FAM25C: variants seen among roughly 807,000 people sequenced by gnomAD.
FAM25C encodes the protein family with sequence similarity 25 member C, also known as protein FAM25C.
In FAM25C, 4 loss-of-function variants were observed where a neutral mutation model predicts 9.6. The observed-to-expected ratio is 0.42, with a 90% CI of 0.20 to 0.95. FAM25C has a LOEUF of 0.95. FAM25C is among the 40% of genes least tolerant of loss of function. The pLI is 0.31. For missense variants in FAM25C, 38 were observed against 110.4 expected (o/e 0.34, Z 2.94); for synonymous variants, 23 against 44.1 (o/e 0.52, Z 1.89).
At chr10:47,997,529 G>T (rs1842819671) in intron 2 of FAM25C, 148 bp downstream of exon 2, 2 of 795,888 alleles carry the variant, frequency 2.5e-6, no homozygotes, top group East Asian at 5.3e-5. Flanking sequence ...CCTCTGATGA[G>T]CATAGATAAC....
chr10:47,998,051 G>A (rs548191838), intron 1 of FAM25C, among the ~76,000 whole-genome samples: 23 of 151,260 alleles, frequency 1.5e-4, no homozygotes, highest in South Asian at 6.3e-4. Context: ...ACCGGGAGAC[G>A]AGCTCAGTGA....
chr10:47,997,403 C>A (rs568857314), intron 2 of FAM25C, among the ~76,000 whole-genome samples: 1 of 152,028 alleles, frequency 6.6e-6, no homozygotes, highest in South Asian at 2.1e-4. Flanking sequence ...GCCACCGTGC[C>A]CTGCCATGTT....
Position 47,995,449 on chromosome 10 carries a change from C to T in FAM25C, c.199G>A (p.Glu67Lys), listed in dbSNP as rs1164230571. Residue 67 changes from glutamate (E) to lysine (K), a missense_variant, in exon 3 of 3, where the codon GAG becomes AAG. This residue lies in a region of FAM25C where 30 missense variants were observed against 53.0 expected (regional missense o/e 0.57). Transcript: ENST00000617224. Reference protein sequence around the residue: ...SGDKKMKEITETVTNTVTNAI... With the variant: ...SGDKKMKEITKTVTNTVTNAI... The stretch of plus-strand genomic sequence containing the variant: ...TTTGTGACTGTGTTGGTCACTGTCT[C>T]GGTGATTTCCTTCATCTTTTTGTCC... The T allele has an allele frequency of 5.9e-5, 90 of 1,527,368 alleles. 2 individuals carry two copies. The highest frequency in any genetic ancestry group is 5.4e-5 in the Non-Finnish European group (62 of 1,140,606). 94.6% of individuals were successfully genotyped at this position (1,527,368 alleles called of 1,614,324 possible).
chr10:47,996,634 T>G (rs1347153320), intron 2 of FAM25C, among the ~76,000 whole-genome samples: 23 of 139,522 alleles, frequency 1.6e-4, no homozygotes, highest in Admixed American at 3.6e-4. Context: ...TATTTTATAA[T>G]AGCAGCCTGA....
At chr10:47,995,950 C>A (rs189683332) in intron 2 of FAM25C, among the ~76,000 whole-genome samples, 1 of 147,508 alleles carries the variant, frequency 6.8e-6, no homozygotes, top group Admixed American at 6.8e-5. Flanking sequence ...TCCTTTATGG[C>A]GCTGATTTTT....
rs1376170486 is a variant in FAM25C at position 47,997,007 on chromosome 10, AT to A, written c.136+669del. On this transcript the variant is annotated intron_variant, in intron 2 of 2. Transcript: ENST00000617224. The stretch of plus-strand genomic sequence containing the variant: ...CCACCGTGCCCAGCTAATTTTTTGT[AT>A]TTTTAGTAGAGATGGGGTTTCACCG... 2.1e-5 allele frequency among the ~76,000 whole-genome samples: 3 copies of A among 139,938 alleles called. No individual in the cohort carries two copies. The Admixed American group carries it at 2.2e-4, about 10-fold the overall frequency. The allele number at this position is 139,938 out of a possible 152,430, so 91.8% of individuals were successfully genotyped here.
chr10:47,996,881 G>C lies in FAM25C; in HGVS notation c.136+796C>G, dbSNP rs1368199968. Among the ~76,000 whole-genome samples the C allele has an allele frequency of 7.7e-5, 10 of 129,524 alleles. No homozygotes were observed. The East Asian group carries it at 1.5e-3, about 19-fold the overall frequency. The allele number at this position is 129,524 out of a possible 152,430, so 85.0% of individuals were successfully genotyped here. ...GAGTATCACAGTGTCGCCCAGGCTG[G>C]AGTGCAGTGGCGCGATCTCGGCTCA... On this transcript the variant is annotated intron_variant, in intron 2 of 2. Coordinates refer to ENST00000617224, the MANE Select transcript of FAM25C (RefSeq NM_001137548.3).
At chr10:47,995,540 T>A (rs1555256379) in intron 2 of FAM25C, 29 bp from the exon 3 acceptor site, 1 of 1,534,494 alleles carries the variant, frequency 6.5e-7, no homozygotes, top group South Asian at 1.2e-5. Context: ...AAGAATGTCC[T>A]AGTGATCCAC....
In FAM25C at chr10:47,995,407, C is replaced by T. The variant is rs1842786744; in HGVS notation, c.241G>A (p.Ala81Thr). Residue 81 changes from alanine (A) to threonine (T), a missense_variant, in exon 3 of 3, where the codon GCA becomes ACA. Physicochemically the swap from Ala to Thr is moderately conservative, Grantham distance 58. Around this residue, in one of 2 missense-constraint regions of FAM25C, gnomAD observed 30 missense variants for 53.0 expected, o/e 0.57. Transcript: ENST00000617224. ...NTVTNAITHA[A>T]ESLDKLGQ ...TGTCCAAGTTTGTCCAGACTTTCTG[C>T]TGCATGGGTGATGGCATTTGTGACT... 2.6e-6 allele frequency: 4 copies of T among 1,519,694 alleles called. No homozygotes were observed. The highest frequency in any genetic ancestry group is 3.5e-6 in the Non-Finnish European group (4 of 1,134,580). The allele number at this position is 1,519,694 out of a possible 1,614,324, so 94.1% of individuals were successfully genotyped here. A position where few individuals can be genotyped will look rare whatever the true frequency, so the allele number is the denominator to read the frequency against.
intron 2 of FAM25C, among the ~76,000 whole-genome samples, chr10:47,997,211 C>G (rs1842813903): frequency 2.0e-5 from 3 of 148,680 alleles, no homozygotes; most frequent in Non-Finnish European, 3.0e-5. Flanking sequence ...CAGGTACACA[C>G]CATTCTCCTG....
At chr10:47,997,344 C>G (rs1315198016) in intron 2 of FAM25C, among the ~76,000 whole-genome samples, 4 of 151,602 alleles carry the variant, frequency 2.6e-5, no homozygotes, top group Admixed American at 2.0e-4. Context: ...CTCCTGACCT[C>G]GTGATCCGCC....
chr10:47,995,753 C>CT (rs1555256394), intron 2 of FAM25C, among the ~76,000 whole-genome samples: 1 of 149,290 alleles, frequency 6.7e-6, no homozygotes, highest in Non-Finnish European at 1.5e-5. Context: ...CCTGCTTATC[C>CT]TTTTTTCTGG....
chr10:47,996,048 C>T (rs1382433835), intron 2 of FAM25C, among the ~76,000 whole-genome samples: 1 of 141,098 alleles, frequency 7.1e-6, no homozygotes, highest in Non-Finnish European at 1.5e-5. Context: ...ATGATGTCTT[C>T]CCCCTCAAAA....
chr10:47,995,625 A>G, intron 2 of FAM25C, 114 bp from the exon 3 acceptor site: 1 of 1,023,040 alleles, frequency 9.8e-7, no homozygotes, highest in Middle Eastern at 3.1e-4. Context: ...GAGTGGCCCG[A>G]TGGGACCAAG....
At chr10:47,998,973 A>C (rs1315310128) in intron 1 of FAM25C, among the ~76,000 whole-genome samples, 27 of 102,672 alleles carry the variant, frequency 2.6e-4, no homozygotes, top group African/African-American at 7.1e-4. Context: ...GACCAGGTGC[A>C]GTGGTTCACG....
Position 47,997,791 on chromosome 10 carries a change from C to T in FAM25C, c.74-52G>A, listed in dbSNP as rs1325463726. 5.5e-5 allele frequency: 84 copies of T among 1,534,138 alleles called. 3 individuals are homozygous for T. Among genetic ancestry groups the T allele is most frequent in the Non-Finnish European group, 4.0e-5 (45 of 1,137,752 alleles). ...GAGGGCTCAGAGCAGGCCGGCTGCC[C>T]CTGAGTCCAGGGTGAGGGTTCAGAG... On this transcript the variant is annotated intron_variant, in intron 1 of 2. Coordinates refer to ENST00000617224, the MANE Select transcript of FAM25C (RefSeq NM_001137548.3).
rs575638230 is a variant in FAM25C at position 47,997,250 on chromosome 10, A to G, written c.136+427T>C. On this transcript the variant is annotated intron_variant, in intron 2 of 2. Transcript: ENST00000617224. The stretch of plus-strand genomic sequence containing the variant: ...CAGCCTCCCAAGTAGCTGGGACTAT[A>G]GGCACCCACCACCATGCCCGGCTAA... Among the ~76,000 whole-genome samples the G allele has an allele frequency of 1.3e-3, 193 of 147,778 alleles. 3 individuals are homozygous for G. In the East Asian group the frequency reaches 0.028, roughly 21 times the overall value.
intron 2 of FAM25C, among the ~76,000 whole-genome samples, chr10:47,995,898 A>C (rs1332728849): frequency 2.1e-5 from 3 of 141,696 alleles, no homozygotes; most frequent in Non-Finnish European, 4.6e-5. Context: ...TTTTTTGGCT[A>C]TAGAAAATTT....
Position 47,998,050 on chromosome 10 carries a change from C to T in FAM25C, c.74-311G>A, listed in dbSNP as rs76725832. On this transcript the variant is annotated intron_variant, in intron 1 of 2. Transcript: ENST00000617224. ...CGCCAGGGCCTTGGCTACCGGGAGA[C>T]GAGCTCAGTGAGCCCCATGAGGGCA... 7.1e-3 allele frequency among the ~76,000 whole-genome samples: 1,077 copies of T among 151,346 alleles called. 21 individuals carry two copies. The highest frequency in any genetic ancestry group is 0.01 in the African/African-American group (423 of 41,298).
Sources: allele counts gnomAD v4.1 joint callset (sites outside exome capture counted in the v4.1 genomes callset), GRCh38; gene constraint gnomAD v4.1.1; regional missense constraint gnomAD v4.1.1; transcripts MANE v1.5; gene names NCBI Gene and HGNC (gene_info 2026-07-23, HGNC 2026-07-21).